HOGA1: variants seen among roughly 807,000 people sequenced by gnomAD.
HOGA1 encodes the protein 4-hydroxy-2-oxoglutarate aldolase, mitochondrial.
Under a neutral mutation model 34.3 loss-of-function variants are expected in HOGA1, and 30 were observed. The ratio of observed to expected loss-of-function variants is 0.87; its 90% CI spans 0.65 to 1.19. The LOEUF (loss-of-function observed/expected upper bound fraction) is 1.19. Among genes scored for constraint, HOGA1 ranks in the 50% most tolerant of loss-of-function variants. HOGA1 has a pLI of 0.00. For synonymous variants in HOGA1, 161 were observed against 174.0 expected (o/e 0.93, Z 0.59); for missense variants, 417 against 436.5 (o/e 0.96, Z 0.40).
rs1389664062 is a variant in HOGA1 at position 97,584,504 on chromosome 10, A to G, written c.-200A>G. On this transcript the variant is annotated 5_prime_UTR_variant, in exon 1 of 7. Coordinates refer to ENST00000370646, the MANE Select transcript of HOGA1 (RefSeq NM_138413.4). ...GGCATCTCTCTAGCTGCTACCCAGA[A>G]GGAACAGGGCCCCCTGGGGCCTATA... is the stretch of plus-strand genomic sequence containing the variant. 12 of 578,010 alleles carry G rather than the reference A, an allele frequency of 2.1e-5. No individual in the cohort carries two copies. Among genetic ancestry groups the G allele is most frequent in the Non-Finnish European group, 3.4e-5 (11 of 326,822 alleles). 35.8% of individuals were successfully genotyped at this position (578,010 alleles called of 1,614,324 possible).
chr10:97,584,895 G>T lies in HOGA1; in HGVS notation c.192G>T (p.Leu64=), dbSNP rs765289362. The T allele has an allele frequency of 6.2e-7, 1 of 1,614,138 alleles. No homozygotes were observed. The highest frequency in any genetic ancestry group is 2.2e-5 in the East Asian group (1 of 44,866). ...AACTGGAGGAGAATCTGCACAAACT[G>T]GGCACCTTCCCCTTCCGAGGTAAGT... ...YGKLEENLHK[L]GTFPFRGFVV... The change falls in exon 1 of 7, where the codon CTG becomes CTT. Residue 64 remains leucine (L), a synonymous_variant. Coordinates refer to ENST00000370646, the MANE Select transcript of HOGA1 (RefSeq NM_138413.4).
chr10:97,602,011 G>A lies in HOGA1; in HGVS notation c.834+21G>A, dbSNP rs775144327. On this transcript the variant is annotated intron_variant, in intron 6 of 6. Transcript: ENST00000370646. ...CTGCGGTGAGCCAGTGGCAGCGGGG[G>A]CGCGGCCTGGCGGGGGGTGGGCAGT... 14 of 1,600,650 alleles carry A rather than the reference G, an allele frequency of 8.7e-6. No homozygotes were observed. The East Asian group carries it at 2.7e-4, about 31-fold the overall frequency.
intron 5 of HOGA1, 141 bp from the exon 6 acceptor site, chr10:97,601,716 G>C: frequency 1.1e-6 from 1 of 942,526 alleles, no homozygotes; most frequent in Non-Finnish European, 1.7e-6. Context: ...TGGACTCACA[G>C]AGCATGCCTT....
Position 97,584,552 on chromosome 10 carries a change from A to G in HOGA1, c.-152A>G. On this transcript the variant is annotated 5_prime_UTR_variant, in exon 1 of 7. Transcript: ENST00000370646. Reference sequence around the variant, plus strand: ...ATAGGCCTTGCCCCTGACCCTGGGAACACCCAGCTCAGGCCTGCCCCAGTG... The same window carrying G: ...ATAGGCCTTGCCCCTGACCCTGGGAGCACCCAGCTCAGGCCTGCCCCAGTG... 1.4e-6 allele frequency: 1 copy of G among 693,938 alleles called. No homozygotes were observed. The highest frequency in any genetic ancestry group is 2.5e-6 in the Non-Finnish European group (1 of 403,308). The allele number at this position is 693,938 out of a possible 1,614,324, so 43.0% of individuals were successfully genotyped here. A position where few individuals can be genotyped will look rare whatever the true frequency, so the allele number is the denominator to read the frequency against.
intron 6 of HOGA1, among the ~76,000 whole-genome samples, chr10:97,608,302 C>A (rs2041171411): frequency 6.6e-6 from 1 of 151,882 alleles, no homozygotes; most frequent in African/African-American, 2.4e-5. Flanking sequence ...AAGAGCAAGA[C>A]CCTGTCTCAA....
chr10:97,611,503 T>G lies in HOGA1; in HGVS notation c.835-7T>G, dbSNP rs768061627. On this transcript the variant is annotated splice_polypyrimidine_tract_variant and splice_region_variant and intron_variant, in intron 6 of 6. Coordinates refer to ENST00000370646, the MANE Select transcript of HOGA1 (RefSeq NM_138413.4). ...CTCAGTCTCTTCTAACAGGCCCTGC[T>G]TTGCAGGTGACCCGGCGCTTTGGGA... is the stretch of plus-strand genomic sequence containing the variant. 1.9e-6 allele frequency: 3 copies of G among 1,614,234 alleles called. No homozygotes were observed. The South Asian group carries it at 3.3e-5, about 18-fold the overall frequency.
At chr10:97,604,875 G>C (rs2041145144) in intron 6 of HOGA1, among the ~76,000 whole-genome samples, 1 of 152,260 alleles carries the variant, frequency 6.6e-6, no homozygotes, top group Non-Finnish European at 1.5e-5. Context: ...CCAGCTGCTC[G>C]AGTGGCTGAG....
intron 6 of HOGA1, among the ~76,000 whole-genome samples, chr10:97,611,012 G>T (rs537244958): frequency 1.8e-4 from 28 of 152,300 alleles, no homozygotes; most frequent in Admixed American, 1.8e-3. Flanking sequence ...ACCATTTAGT[G>T]TTAGGGTCAG....
At chr10:97,599,038 C>A in intron 2 of HOGA1, 51 bp from the exon 3 acceptor site, 1 of 1,609,324 alleles carries the variant, frequency 6.2e-7, no homozygotes, top group Non-Finnish European at 8.5e-7. Context: ...GCCCAGTGTC[C>A]TGGTCCAGGC....
At chr10:97,604,373 A>G (rs2041142156) in intron 6 of HOGA1, among the ~76,000 whole-genome samples, 1 of 152,144 alleles carries the variant, frequency 6.6e-6, no homozygotes, top group African/African-American at 2.4e-5. Flanking sequence ...ACCGGGGATG[A>G]GTGCAGTGGC....
chr10:97,586,831 C>T (rs1213314331), intron 1 of HOGA1, among the ~76,000 whole-genome samples: 3 of 152,164 alleles, frequency 2.0e-5, no homozygotes, highest in Non-Finnish European at 4.4e-5. Context: ...GTCTGTCTCC[C>T]TCGCAACCTA....
intron 3 of HOGA1, 78 bp from the exon 4 acceptor site, chr10:97,599,602 T>G: frequency 6.3e-7 from 1 of 1,585,924 alleles, no homozygotes; most frequent in Non-Finnish European, 8.6e-7. Flanking sequence ...GGCTGGGACC[T>G]GTGGGTGGGC....
chr10:97,589,816 G>A (rs908811315), intron 1 of HOGA1: 3 of 1,083,254 alleles, frequency 2.8e-6, no homozygotes, highest in East Asian at 2.4e-5. Flanking sequence ...GTAGGGTCCT[G>A]GAGACCTTCT....
At chr10:97,599,040 G>C in intron 2 of HOGA1, 49 bp from the exon 3 acceptor site, 3 of 1,609,378 alleles carry the variant, frequency 1.9e-6, no homozygotes, top group Non-Finnish European at 2.5e-6. Flanking sequence ...CCAGTGTCCT[G>C]GTCCAGGCCT....
At position 97,608,625 on chromosome 10, in the gene HOGA1, T is replaced by C. The variant is rs146742006; in HGVS notation, c.835-2885T>C. ...TTCGAGATCAGCCTGGCCAACATGGTGAAACCCTCTCTCTATTAAAAATAC... is the reference window on the plus strand; with the variant it reads ...TTCGAGATCAGCCTGGCCAACATGGCGAAACCCTCTCTCTATTAAAAATAC... On this transcript the variant is annotated intron_variant, in intron 6 of 6. Transcript: ENST00000370646. Among the ~76,000 whole-genome samples, 198 of 152,156 alleles carry C rather than the reference T, an allele frequency of 1.3e-3. 1 individual carries two copies. The highest frequency in any genetic ancestry group is 4.5e-3 in the African/African-American group (185 of 41,520).
Position 97,601,993 on chromosome 10 carries a change from G to A in HOGA1, c.834+3G>A. 6.2e-7 allele frequency: 1 copy of A among 1,611,166 alleles called. No individual in the cohort carries two copies. Among genetic ancestry groups the A allele is most frequent in the Non-Finnish European group, 8.5e-7 (1 of 1,178,986 alleles). On this transcript the variant is annotated splice_donor_region_variant and intron_variant, in intron 6 of 6. Transcript: ENST00000370646. The stretch of plus-strand genomic sequence containing the variant: ...GCCTCATTGAGCCAAACGCTGCGGT[G>A]AGCCAGTGGCAGCGGGGGCGCGGCC...
At chr10:97,600,254 T>A in intron 5 of HOGA1, 91 bp downstream of exon 5, 1 of 1,113,960 alleles carries the variant, frequency 9.0e-7, no homozygotes, top group Non-Finnish European at 1.4e-6. Context: ...GGGCTGGGGC[T>A]GGGTCTGCAG....
intron 1 of HOGA1, among the ~76,000 whole-genome samples, chr10:97,593,204 G>A (rs988875937): frequency 5.3e-5 from 8 of 151,814 alleles, no homozygotes; most frequent in Admixed American, 4.6e-4. Context: ...GGCCGAACAC[G>A]GCGGCTCACG....
At chr10:97,590,798 C>T in intron 1 of HOGA1, 1 of 606,962 alleles carries the variant, frequency 1.6e-6, no homozygotes, top group Non-Finnish European at 3.0e-6. Context: ...GGAGGGAGAG[C>T]TGGGAGGACA....
Sources: gnomAD v4.1 joint callset for allele counts (sites outside exome capture counted in the v4.1 genomes callset) on GRCh38, gnomAD v4.1.1 for gene constraint, MANE v1.5 for transcripts, NCBI Gene and HGNC (gene_info 2026-07-23, HGNC 2026-07-21) for gene names.